KMT5B: variants seen among roughly 807,000 people sequenced by gnomAD.
KMT5B encodes lysine methyltransferase 5B, also known as histone-lysine N-methyltransferase KMT5B.
Under a neutral mutation model 83.2 loss-of-function variants are expected in KMT5B, and 10 were observed. The ratio of observed to expected loss-of-function variants is 0.12; its 90% CI spans 0.07 to 0.20. KMT5B has a LOEUF of 0.20. Among genes scored for constraint, KMT5B ranks in the 10% least tolerant of loss-of-function variants. The pLI, the probability that KMT5B is intolerant of heterozygous loss-of-function variation, is 1.00. For synonymous variants in KMT5B, 349 were observed against 388.8 expected (o/e 0.90, Z 1.20); for missense variants, 753 against 1,067.2 (o/e 0.71, Z 4.10).
At chr11:68,174,857 G>A (rs1856204595) in intron 5 of KMT5B, among the ~76,000 whole-genome samples, 161 bp downstream of exon 5, 2 of 151,952 alleles carry the variant, frequency 1.3e-5, no homozygotes, top group Admixed American at 1.3e-4. Context: ...TTTTTTCTCT[G>A]GACTGTCATC....
intron 1 of KMT5B, among the ~76,000 whole-genome samples, chr11:68,198,231 A>G (rs999728264): frequency 1.4e-4 from 22 of 152,288 alleles, no homozygotes; most frequent in Admixed American, 1.2e-3. Context: ...TAAAAATACA[A>G]AAATTAGCCA....
chr11:68,202,559 T>G (rs1434707888), intron 1 of KMT5B, among the ~76,000 whole-genome samples: 3 of 150,782 alleles, frequency 2.0e-5, no homozygotes, highest in African/African-American at 7.3e-5. Context: ...TTTTTTTTTT[T>G]TTTTTTTGAG....
rs576752441 is a variant in KMT5B, at chr11:68,166,625, A to C, written c.1174+357T>G. ...CTAGGCACTGGAATGTATAGAGTCT[A>C]ATTTAATTCTACTCAGTCCTTTTGT... is the stretch of plus-strand genomic sequence containing the variant. On this transcript the variant is annotated intron_variant, in intron 10 of 10. Coordinates refer to ENST00000304363, the MANE Select transcript of KMT5B (RefSeq NM_017635.5). 10 of 1,048,982 alleles carry C rather than the reference A, an allele frequency of 9.5e-6. No individual in the cohort carries two copies. The South Asian group carries it at 3.3e-4, about 35-fold the overall frequency. The allele number at this position is 1,048,982 out of a possible 1,614,324, so 65.0% of individuals were successfully genotyped here.
In KMT5B at chr11:68,171,380, C is replaced by T; in HGVS notation, c.821-129G>A. On this transcript the variant is annotated intron_variant, in intron 7 of 10. Coordinates refer to ENST00000304363, the MANE Select transcript of KMT5B (RefSeq NM_017635.5). This position sits in a 1 kb window ranked among gnomAD's most constrained non-coding sequence, Gnocchi z 5.1. Reference sequence around the variant, plus strand: ...TTGATAGGAGTTTAGGTCTCAAGTTCAACTAAAGGAATATACATTTATTTT... The same window carrying T: ...TTGATAGGAGTTTAGGTCTCAAGTTTAACTAAAGGAATATACATTTATTTT... 1 of 1,268,048 alleles carries T rather than the reference C, an allele frequency of 7.9e-7. No individual in the cohort carries two copies. Among genetic ancestry groups the T allele is most frequent in the Non-Finnish European group, 1.1e-6 (1 of 902,288 alleles). 78.5% of individuals were successfully genotyped at this position (1,268,048 alleles called of 1,614,324 possible).
chr11:68,205,353 A>G (rs1055246733), intron 1 of KMT5B, among the ~76,000 whole-genome samples: 2 of 152,068 alleles, frequency 1.3e-5, no homozygotes, highest in African/African-American at 4.8e-5. Context: ...TAAATCATAC[A>G]CTATCCTTCA....
Position 68,160,038 on chromosome 11 carries a change from T to C in KMT5B, c.1175-867A>G, listed in dbSNP as rs7116623. Among the ~76,000 whole-genome samples the C allele has an allele frequency of 6.2e-3, 943 of 152,382 alleles. 7 individuals carry two copies. Among genetic ancestry groups the C allele is most frequent in the African/African-American group, 0.022 (914 of 41,594 alleles). On this transcript the variant is annotated intron_variant, in intron 10 of 10. Transcript: ENST00000304363. ...CTGAGTAGTGATGAATATGATTCCATTTGAGAATGAGCGTATTCTTATCCA... is the reference window on the plus strand; with the variant it reads ...CTGAGTAGTGATGAATATGATTCCACTTGAGAATGAGCGTATTCTTATCCA...
At chr11:68,191,804 T>C (rs1239680255) in intron 1 of KMT5B, among the ~76,000 whole-genome samples, 2 of 152,188 alleles carry the variant, frequency 1.3e-5, no homozygotes, top group African/African-American at 2.4e-5. Flanking sequence ...AAGTGTACGG[T>C]GTTAATAAAG....
At position 68,188,897 on chromosome 11, in the gene KMT5B, G is replaced by A. The variant is rs60701078; in HGVS notation, c.160+1020C>T. Among the ~76,000 whole-genome samples, 541 of 152,274 alleles carry A rather than the reference G, an allele frequency of 3.6e-3. 4 individuals carry two copies. Among genetic ancestry groups the A allele is most frequent in the African/African-American group, 0.012 (518 of 41,554 alleles). ...ATGCTGCCAGCAGCCTCAGGAGTGAGTGGTGTCCATGCAGAGGACCACTCA... is the reference window on the plus strand; with the variant it reads ...ATGCTGCCAGCAGCCTCAGGAGTGAATGGTGTCCATGCAGAGGACCACTCA... On this transcript the variant is annotated intron_variant, in intron 2 of 10. Transcript: ENST00000304363.
At chr11:68,188,026 CTTTT>C (rs1168742073) in intron 2 of KMT5B, among the ~76,000 whole-genome samples, 2 of 139,426 alleles carry the variant, frequency 1.4e-5, no homozygotes, top group Non-Finnish European at 3.1e-5. Flanking sequence ...TTTCCTTTTT[CTTTT>C]TTTTTTTTTT....
chr11:68,189,818 T>A, intron 2 of KMT5B, 99 bp downstream of exon 2: 1 of 1,255,866 alleles, frequency 8.0e-7, no homozygotes, highest in Non-Finnish European at 1.1e-6. Context: ...ATGCAAAAAA[T>A]TATTTAAGAC....
chr11:68,210,677 TA>T (rs1437192640), intron 1 of KMT5B, among the ~76,000 whole-genome samples: 2 of 152,206 alleles, frequency 1.3e-5, no homozygotes, highest in Non-Finnish European at 2.9e-5. Flanking sequence ...GGAGACCGGC[TA>T]GCCCCAAATC....
chr11:68,179,304 C>T (rs903632254), intron 4 of KMT5B, among the ~76,000 whole-genome samples: 1 of 152,182 alleles, frequency 6.6e-6, no homozygotes, highest in African/African-American at 2.4e-5. Flanking sequence ...CCCGTCCTCC[C>T]TCCCTTAATA....
chr11:68,207,574 C>T (rs1270776234), intron 1 of KMT5B, among the ~76,000 whole-genome samples: 3 of 151,984 alleles, frequency 2.0e-5, no homozygotes, highest in African/African-American at 4.8e-5. Flanking sequence ...GGGCGGATCA[C>T]GAGGTCAAGA....
At chr11:68,201,632 G>T (rs1441109989) in intron 1 of KMT5B, among the ~76,000 whole-genome samples, 1 of 151,986 alleles carries the variant, frequency 6.6e-6, no homozygotes, top group African/African-American at 2.4e-5. Flanking sequence ...TGACTAGAAA[G>T]AATGTTAACG....
At chr11:68,166,350 C>G in intron 10 of KMT5B, 1 of 1,034,632 alleles carries the variant, frequency 9.7e-7, no homozygotes, top group South Asian at 3.8e-5. Context: ...CCCCACACAC[C>G]ACTGGAATCT....
At chr11:68,166,748 C>CCA in intron 10 of KMT5B, 2 of 1,370,964 alleles carry the variant, frequency 1.5e-6, no homozygotes, top group Non-Finnish European at 1.9e-6. Context: ...GAACTCATAT[C>CCA]CAGTTACCAA....
intron 10 of KMT5B, chr11:68,166,366 G>T: frequency 1.6e-5 from 16 of 1,024,590 alleles, no homozygotes; most frequent in Non-Finnish European, 1.9e-5. Flanking sequence ...AATCTCAGAG[G>T]TTGCTTCTTT....
chr11:68,195,687 G>T (rs534336497), intron 1 of KMT5B, among the ~76,000 whole-genome samples: 1 of 152,292 alleles, frequency 6.6e-6, no homozygotes, highest in East Asian at 1.9e-4. Context: ...TAGTGCTCTA[G>T]GGCAATTATG....
chr11:68,159,014 A>G lies in KMT5B; in HGVS notation c.1332T>C (p.Pro444=). ...NSRVPKKLKK[P]AKPLLSKIKL... Reference sequence around the variant, plus strand: ...TTATCTTTGAAAGTAAAGGCTTTGCAGGCTTCTTCAGTTTCTTTGGTACCC... The same window carrying G: ...TTATCTTTGAAAGTAAAGGCTTTGCGGGCTTCTTCAGTTTCTTTGGTACCC... Residue 444 remains proline, a synonymous_variant, in exon 11 of 11, where the codon CCT becomes CCC. Coordinates refer to ENST00000304363, the MANE Select transcript of KMT5B (RefSeq NM_017635.5). 2 of 1,612,706 alleles carry G rather than the reference A, an allele frequency of 1.2e-6. No homozygotes were observed. The highest frequency in any genetic ancestry group is 1.7e-6 in the Non-Finnish European group (2 of 1,179,694).
Sources: gnomAD v4.1 joint callset for allele counts (sites outside exome capture counted in the v4.1 genomes callset) on GRCh38, gnomAD v4.1.1 for gene constraint, Gnocchi (gnomAD v3.1) non-coding constraint, MANE v1.5 for transcripts, NCBI Gene and HGNC (gene_info 2026-07-23, HGNC 2026-07-21) for gene names.